Variants in SLC16A7 observed in about 807,000 individuals in gnomAD.
SLC16A7 encodes monocarboxylate transporter 2.
In SLC16A7, 33 loss-of-function variants were observed where a neutral mutation model predicts 34.9. The ratio of observed to expected loss-of-function variants is 0.94; its 90% CI spans 0.72 to 1.26. SLC16A7 has a LOEUF of 1.26. SLC16A7 is among the 50% of genes most tolerant of loss of function. The probability of loss-of-function intolerance (pLI) is 0.00; values close to 1 mark genes in which losing one functional copy is unlikely to be tolerated. For synonymous variants in SLC16A7, 201 were observed against 206.6 expected, an observed-to-expected ratio of 0.97 and a Z score of 0.23; for missense variants, 573 against 578.1, an observed-to-expected ratio of 0.99 and a Z score of 0.09.
chr12:59,722,324 C>G (rs577878280), intron 3 of SLC16A7, among the ~76,000 whole-genome samples: 10 of 152,068 alleles, frequency 6.6e-5, no homozygotes, highest in African/African-American at 2.4e-4. Flanking sequence ...CTCATCACCT[C>G]TGCTGCTGTT....
chr12:59,777,507 C>G (rs1882875738), intron 5 of SLC16A7, among the ~76,000 whole-genome samples: 1 of 152,004 alleles, frequency 6.6e-6, no homozygotes, highest in African/African-American at 2.4e-5. Context: ...ACTGAACTTT[C>G]ACTGCTCCTC....
intron 2 of SLC16A7, among the ~76,000 whole-genome samples, chr12:59,661,944 A>C (rs1868873458): frequency 1.3e-5 from 2 of 152,128 alleles, no homozygotes; most frequent in Non-Finnish European, 2.9e-5. Context: ...TTCTAGATTT[A>C]GAAAATAGAA....
intron 3 of SLC16A7, among the ~76,000 whole-genome samples, chr12:59,717,828 C>A (rs1011571730): frequency 1.3e-5 from 2 of 152,066 alleles, no homozygotes; most frequent in Non-Finnish European, 2.9e-5. Context: ...TGATTTTATT[C>A]TCTTTGGCTT....
At chr12:59,673,208 C>T (rs1870031753) in intron 2 of SLC16A7, among the ~76,000 whole-genome samples, 1 of 152,066 alleles carries the variant, frequency 6.6e-6, no homozygotes, top group African/African-American at 2.4e-5. Flanking sequence ...TGAAGCTAAC[C>T]TCTTGAACAA....
At chr12:59,672,897 G>A (rs1042532082) in intron 2 of SLC16A7, among the ~76,000 whole-genome samples, 3 of 152,124 alleles carry the variant, frequency 2.0e-5, no homozygotes, top group African/African-American at 7.2e-5. Flanking sequence ...TGGATGGAAG[G>A]CTGTGCCATC....
chr12:59,761,136 G>C (rs917237362), intron 3 of SLC16A7: 1 of 1,282,416 alleles, frequency 7.8e-7, no homozygotes. Context: ...TAGAATATTT[G>C]AAAGCTTTTT....
At chr12:59,742,687 C>T (rs1878473165) in intron 3 of SLC16A7, among the ~76,000 whole-genome samples, 1 of 152,162 alleles carries the variant, frequency 6.6e-6, no homozygotes, top group Non-Finnish European at 1.5e-5. Context: ...AGAAGAGAAA[C>T]ACTTATCAAA....
In SLC16A7 at chr12:59,695,411, G is replaced by A. The variant is rs1188020253; in HGVS notation, c.-30-9361G>A. Among the ~76,000 whole-genome samples the A allele has an allele frequency of 2.0e-5, 3 of 151,992 alleles. No homozygotes were observed. The East Asian group carries it at 5.8e-4, about 29-fold the overall frequency. ...CCTGGTAGGACCAGAGCTGATGTAT[G>A]AGCCTCTTCTCACTGCTCTAATCCC... On this transcript the variant is annotated intron_variant, in intron 2 of 5. Coordinates refer to ENST00000547379, the MANE Select transcript of SLC16A7 (RefSeq NM_001270623.2).
chr12:59,751,831 G>T (rs940886455), intron 3 of SLC16A7, among the ~76,000 whole-genome samples: 1 of 152,152 alleles, frequency 6.6e-6, no homozygotes, highest in Non-Finnish European at 1.5e-5. Context: ...CCTGACCCCC[G>T]AGCAGCCTAA....
chr12:59,729,277 A>T (rs1020217964), intron 3 of SLC16A7, among the ~76,000 whole-genome samples: 1 of 152,340 alleles, frequency 6.6e-6, no homozygotes, highest in Non-Finnish European at 1.5e-5. Flanking sequence ...TATTGGTATT[A>T]TAACTCATCA....
intron 2 of SLC16A7, among the ~76,000 whole-genome samples, chr12:59,660,147 T>C (rs1391471474): frequency 2.0e-5 from 3 of 151,816 alleles, no homozygotes; most frequent in Non-Finnish European, 1.5e-5. Context: ...ATCCTTTAGA[T>C]TTTTTTTTAA....
rs537899614 is a variant in SLC16A7, at chr12:59,695,465, T to C, written c.-30-9307T>C. 1.4e-3 allele frequency among the ~76,000 whole-genome samples: 214 copies of C among 152,116 alleles called. 1 individual carries two copies. The highest frequency in any genetic ancestry group is 6.8e-3 in the Middle Eastern group (2 of 294). On this transcript the variant is annotated intron_variant, in intron 2 of 5. Coordinates refer to ENST00000547379, the MANE Select transcript of SLC16A7 (RefSeq NM_001270623.2). Reference sequence around the variant, plus strand: ...CCCAGGAGACCCATTTAGTGTGAACTCTTCATTCCTACCACAAGTTAGACC... The same window carrying C: ...CCCAGGAGACCCATTTAGTGTGAACCCTTCATTCCTACCACAAGTTAGACC...
intron 3 of SLC16A7, among the ~76,000 whole-genome samples, chr12:59,754,138 C>G (rs186358252): frequency 1.3e-3 from 195 of 152,106 alleles, no homozygotes; most frequent in African/African-American, 4.4e-3. Context: ...GCACTAAATG[C>G]CCACAAGAGA....
chr12:59,600,071 G>A (rs1019996350), intron 1 of SLC16A7, among the ~76,000 whole-genome samples: 1 of 152,042 alleles, frequency 6.6e-6, no homozygotes, highest in Non-Finnish European at 1.5e-5. Flanking sequence ...TTTAAGTCTC[G>A]GTTTCTTCAT....
At chr12:59,617,966 G>A (rs958650078) in intron 1 of SLC16A7, among the ~76,000 whole-genome samples, 2 of 151,694 alleles carry the variant, frequency 1.3e-5, no homozygotes, top group African/African-American at 4.8e-5. Context: ...TCATTTCCTG[G>A]TAAAAGCTTT....
At chr12:59,745,510 C>T (rs1878797272) in intron 3 of SLC16A7, among the ~76,000 whole-genome samples, 1 of 152,136 alleles carries the variant, frequency 6.6e-6, no homozygotes, top group East Asian at 1.9e-4. Flanking sequence ...AAACTCTGTA[C>T]ATAGGCACTG....
chr12:59,774,697 A>G lies in SLC16A7; in HGVS notation c.402A>G (p.Ile134Met), dbSNP rs1882562314. 3 of 1,604,266 alleles carry G rather than the reference A, an allele frequency of 1.9e-6. No individual in the cohort carries two copies. In the African/African-American group the frequency reaches 4.0e-5, roughly 22 times the overall value. Residue 134 changes from isoleucine (I) to methionine (M), a missense_variant, in exon 5 of 6, where the codon ATA becomes ATG. Coordinates refer to ENST00000547379, the MANE Select transcript of SLC16A7 (RefSeq NM_001270623.2). ...TCAACCTGCAACCCGCCTTAACCAT[A>G]ATTGGCAAATACTTCTATAGGAAGC... ...LAFNLQPALTIIGKYFYRKRP... is the reference protein window; with the variant it reads ...LAFNLQPALTMIGKYFYRKRP...
chr12:59,602,551 T>G (rs1878737196), intron 1 of SLC16A7, among the ~76,000 whole-genome samples: 1 of 142,286 alleles, frequency 7.0e-6, no homozygotes, highest in Admixed American at 7.4e-5. Context: ...TGACATGAAC[T>G]TGGCTCACTG....
rs143276448 is a variant in SLC16A7, at chr12:59,673,328, T to A, written c.-31+18078T>A. 1.8e-3 allele frequency among the ~76,000 whole-genome samples: 279 copies of A among 152,242 alleles called. 1 individual carries two copies. The highest frequency in any genetic ancestry group is 6.1e-3 in the African/African-American group (253 of 41,562). ...TTTTGACAATAATTGGCAAATAGAT[T>A]CAGTTATTTCTTGAAGTTGATTCTA... On this transcript the variant is annotated intron_variant, in intron 2 of 5. Coordinates refer to ENST00000547379, the MANE Select transcript of SLC16A7 (RefSeq NM_001270623.2).
Sources: allele counts gnomAD v4.1 joint callset (sites outside exome capture counted in the v4.1 genomes callset), GRCh38; gene constraint gnomAD v4.1.1; transcripts MANE v1.5; gene names NCBI Gene and HGNC (gene_info 2026-07-23, HGNC 2026-07-21).